Variants in CAMK2D observed in about 807,000 individuals in gnomAD.
The protein encoded by CAMK2D is calcium/calmodulin-dependent protein kinase type II subunit delta.
CAMK2D carries 37 observed loss-of-function variants against 84.0 expected under a neutral mutation model. The ratio of observed to expected loss-of-function variants is 0.44; its 90% confidence interval spans 0.34 to 0.58. The LOEUF (loss-of-function observed/expected upper bound fraction) is 0.58. Among genes scored for constraint, CAMK2D ranks in the 20% least tolerant of loss-of-function variants. The pLI is 0.02. For synonymous variants in CAMK2D, 202 were observed against 212.5 expected, an observed-to-expected ratio of 0.95 and a Z score of 0.43; for missense variants, 448 against 652.5, an observed-to-expected ratio of 0.69 and a Z score of 3.41.
At position 113,494,748 on chromosome 4, in the gene CAMK2D, G is replaced by A. The variant is rs59969302; in HGVS notation, c.1135+5715C>T. Among the ~76,000 whole-genome samples, 434 of 151,990 alleles carry A rather than the reference G, an allele frequency of 2.9e-3. 2 individuals are homozygous for A. Among genetic ancestry groups the A allele is most frequent in the African/African-American group, 9.5e-3 (392 of 41,372 alleles). On this transcript the variant is annotated intron_variant, in intron 16 of 20. Transcript: ENST00000511664. ...GCGCCCCTCCCCCAGCCTCGCTGCC[G>A]CCTTGCAGTTTGATCTCAGACTGCT... is the stretch of plus-strand genomic sequence containing the variant.
chr4:113,678,446 T>C (rs1476006546), intron 2 of CAMK2D, among the ~76,000 whole-genome samples: 1 of 148,578 alleles, frequency 6.7e-6, no homozygotes, highest in Admixed American at 6.8e-5. Flanking sequence ...TGTGATTTTA[T>C]AGTTGGTTCT....
intron 3 of CAMK2D, among the ~76,000 whole-genome samples, chr4:113,641,309 G>A (rs994246930): frequency 1.3e-5 from 2 of 152,246 alleles, no homozygotes; most frequent in African/African-American, 2.4e-5. Flanking sequence ...AGCAACCCCA[G>A]TCAAATTAAT....
intron 4 of CAMK2D, among the ~76,000 whole-genome samples, chr4:113,582,181 T>G (rs925005740): frequency 1.3e-5 from 2 of 152,314 alleles, no homozygotes; most frequent in East Asian, 3.9e-4. Context: ...TTACATTTGA[T>G]CCAATAAATT....
intron 3 of CAMK2D, among the ~76,000 whole-genome samples, chr4:113,613,567 A>G (rs10488958): frequency 0.29 from 44,314 of 152,088 alleles, 6,884 homozygotes; most frequent in African/African-American, 0.39. Flanking sequence ...ATGTGATGCT[A>G]TAATTTTGAG....
intron 2 of CAMK2D, among the ~76,000 whole-genome samples, chr4:113,696,258 C>T (rs938271614): frequency 1.1e-4 from 16 of 151,384 alleles, no homozygotes; most frequent in Middle Eastern, 3.4e-3. Context: ...TAGCCCCCTT[C>T]CCTTGCATCA....
chr4:113,492,492 C>T (rs1453837795), intron 16 of CAMK2D, among the ~76,000 whole-genome samples: 2 of 152,206 alleles, frequency 1.3e-5, no homozygotes, highest in African/African-American at 2.4e-5. Flanking sequence ...TTTGATTGCA[C>T]TGTGGTCTGA....
intron 2 of CAMK2D, among the ~76,000 whole-genome samples, chr4:113,711,696 G>T (rs2099493143): frequency 6.6e-6 from 1 of 152,062 alleles, no homozygotes; most frequent in Admixed American, 6.6e-5. Context: ...ACAGTGAAAT[G>T]GACCCTACAT....
intron 4 of CAMK2D, among the ~76,000 whole-genome samples, chr4:113,569,813 A>G (rs2154219920): frequency 6.6e-6 from 1 of 152,334 alleles, no homozygotes; most frequent in South Asian, 2.1e-4. Flanking sequence ...AAATATAAAC[A>G]TATGAGTCGA....
chr4:113,585,684 G>A lies in CAMK2D; in HGVS notation c.275+23468C>T, dbSNP rs919930148. Among the ~76,000 whole-genome samples the A allele has an allele frequency of 8.3e-5, 12 of 144,620 alleles. No individual in the cohort carries two copies. The East Asian group carries it at 1.2e-3, about 15-fold the overall frequency. 94.9% of individuals were successfully genotyped at this position (144,620 alleles called of 152,430 possible). A position where few individuals can be genotyped will look rare whatever the true frequency, so the allele number is the denominator to read the frequency against. ...TATAGTATAGATTAGTATATATATA[G>A]TATAGGTTAGTGTATATATAGATTA... On this transcript the variant is annotated intron_variant, in intron 4 of 20. Transcript: ENST00000511664.
chr4:113,668,835 A>T (rs2099268095), intron 2 of CAMK2D, among the ~76,000 whole-genome samples: 2 of 152,098 alleles, frequency 1.3e-5, no homozygotes, highest in Admixed American at 6.5e-5. Flanking sequence ...AAATAAATAA[A>T]ATTGTTCGGT....
chr4:113,696,865 C>T (rs1206448479), intron 2 of CAMK2D, among the ~76,000 whole-genome samples: 4 of 151,988 alleles, frequency 2.6e-5, no homozygotes, highest in African/African-American at 9.7e-5. Context: ...CTCAGGTCAT[C>T]TCTCCAGAGG....
intron 16 of CAMK2D, among the ~76,000 whole-genome samples, chr4:113,496,843 T>TAAAC (rs2097940953): frequency 6.6e-6 from 1 of 152,194 alleles, no homozygotes; most frequent in Non-Finnish European, 1.5e-5. Context: ...TATTTGGTTT[T>TAAAC]AAACACTGAA....
At chr4:113,473,455 T>C (rs1485456107) in intron 16 of CAMK2D, among the ~76,000 whole-genome samples, 1 of 152,208 alleles carries the variant, frequency 6.6e-6, no homozygotes. Flanking sequence ...TTTTGGCTTT[T>C]AAAATCAAAC....
chr4:113,531,502 G>GA (rs1049187467), intron 7 of CAMK2D, among the ~76,000 whole-genome samples: 4 of 151,824 alleles, frequency 2.6e-5, no homozygotes, highest in East Asian at 1.9e-4. Flanking sequence ...TAACTCATTT[G>GA]AAAAAAAATA....
At chr4:113,465,796 C>T (rs2097453186) in intron 16 of CAMK2D, among the ~76,000 whole-genome samples, 192 bp from the exon 17 acceptor site, 1 of 152,100 alleles carries the variant, frequency 6.6e-6, no homozygotes, top group African/African-American at 2.4e-5. Context: ...TCCCAAAGTG[C>T]TGGGATTACA....
intron 16 of CAMK2D, among the ~76,000 whole-genome samples, chr4:113,479,788 G>A (rs1331041626): frequency 6.6e-6 from 1 of 152,082 alleles, no homozygotes; most frequent in East Asian, 1.9e-4. Context: ...CACACACACA[G>A]TTCTCTCTGG....
At chr4:113,686,028 A>G (rs566900755) in intron 2 of CAMK2D, among the ~76,000 whole-genome samples, 46 of 151,822 alleles carry the variant, frequency 3.0e-4, no homozygotes, top group Middle Eastern at 3.4e-3. Flanking sequence ...CATGCCTTGC[A>G]CTCCAGCCTG....
chr4:113,642,883 A>G (rs1347657160), intron 3 of CAMK2D, among the ~76,000 whole-genome samples: 1 of 152,166 alleles, frequency 6.6e-6, no homozygotes. Context: ...ACTGGAAATT[A>G]TGGTTGCAAT....
chr4:113,560,908 G>A (rs2098695290), intron 4 of CAMK2D, among the ~76,000 whole-genome samples: 1 of 152,140 alleles, frequency 6.6e-6, no homozygotes, highest in South Asian at 2.1e-4. Flanking sequence ...GTCTCATAAA[G>A]GCTAAGGGAA....
Sources: gnomAD v4.1 joint callset for allele counts (sites outside exome capture counted in the v4.1 genomes callset) on GRCh38, gnomAD v4.1.1 for gene constraint, MANE v1.5 for transcripts, NCBI Gene and HGNC (gene_info 2026-07-23, HGNC 2026-07-21) for gene names.